DCAF13: variants seen among roughly 807,000 people sequenced by gnomAD.
The protein encoded by DCAF13 is DDB1- and CUL4-associated factor 13.
In DCAF13, 38 loss-of-function variants were observed where a neutral mutation model predicts 59.0. The observed-to-expected ratio is 0.64, with a 90% CI of 0.50 to 0.84. DCAF13 has a LOEUF of 0.84. Ranked by LOEUF, DCAF13 falls within the 40% of genes least tolerant of loss-of-function variation. The pLI is 0.00. For synonymous variants in DCAF13, 173 were observed against 175.0 expected, an observed-to-expected ratio of 0.99 and a Z score of 0.09; for missense variants, 469 against 558.4, an observed-to-expected ratio of 0.84 and a Z score of 1.61.
At chr8:103,418,569 A>G (rs1405400901) in intron 1 of DCAF13, among the ~76,000 whole-genome samples, 1 of 151,742 alleles carries the variant, frequency 6.6e-6, no homozygotes, top group Non-Finnish European at 1.5e-5. Flanking sequence ...AAAACTAGAA[A>G]TAGAGAGTTG....
intron 1 of DCAF13, among the ~76,000 whole-genome samples, chr8:103,417,197 A>G (rs1049126244): frequency 1.3e-5 from 2 of 152,210 alleles, no homozygotes; most frequent in African/African-American, 4.8e-5. Context: ...TGATTCCAGT[A>G]TGCAACCCGT....
At chr8:103,420,894 C>G (rs528802236) in intron 2 of DCAF13, 81 bp from the exon 3 acceptor site, 1 of 1,019,892 alleles carries the variant, frequency 9.8e-7, no homozygotes. Context: ...TAGAGTGATT[C>G]GTAGCCTTGT....
chr8:103,442,868 G>A lies in DCAF13; in HGVS notation c.1324G>A (p.Ala442Thr), dbSNP rs760640368. 1.1e-5 allele frequency: 17 copies of A among 1,604,784 alleles called. No homozygotes were observed. Among genetic ancestry groups the A allele is most frequent in the Non-Finnish European group, 1.4e-5 (16 of 1,176,184 alleles). Residue 442 changes from alanine to threonine, a missense_variant, in exon 11 of 11, where the codon GCA (alanine) becomes ACA (threonine). Around this residue, in one of 3 missense-constraint regions of DCAF13, gnomAD observed 84 missense variants for 92.3 expected, o/e 0.91. Coordinates refer to ENST00000612750, the MANE Select transcript of DCAF13 (RefSeq NM_015420.7). Reference protein sequence around the residue: ...LVSEKKKHVVAVVK With the variant: ...LVSEKKKHVVTVVK ...GTCAGAGAAGAAGAAACACGTAGTG[G>A]CAGTTGTAAAATAATTGGTATTCCT... is the stretch of plus-strand genomic sequence containing the variant.
chr8:103,442,560 CTG>C, intron 10 of DCAF13: 1 of 302,856 alleles, frequency 3.3e-6, no homozygotes, highest in Admixed American at 4.9e-5. Flanking sequence ...ATTTTATTAA[CTG>C]TGGAAGGTTT....
At chr8:103,423,972 A>G (rs1415626200) in intron 3 of DCAF13, among the ~76,000 whole-genome samples, 1 of 151,904 alleles carries the variant, frequency 6.6e-6, no homozygotes, top group East Asian at 1.9e-4. Context: ...TGTTGGGATT[A>G]CAGGCATGAG....
chr8:103,429,117 A>G (rs1432702969), intron 5 of DCAF13: 2 of 152,164 alleles, frequency 1.3e-5, no homozygotes, highest in African/African-American at 4.8e-5. Context: ...GTTTATGCTG[A>G]TCATTGGGAC....
intron 3 of DCAF13, among the ~76,000 whole-genome samples, chr8:103,422,274 C>G (rs144155480): frequency 6.6e-6 from 1 of 152,250 alleles, no homozygotes; most frequent in African/African-American, 2.4e-5. Flanking sequence ...GTGAAGATGT[C>G]TGTCATACCT....
intron 8 of DCAF13, among the ~76,000 whole-genome samples, chr8:103,437,970 A>G (rs1002916959): frequency 2.0e-5 from 3 of 152,162 alleles, no homozygotes; most frequent in Admixed American, 2.0e-4. Flanking sequence ...TTATCTCCTA[A>G]TAGTAGAACT....
At chr8:103,417,900 A>G (rs1354982718) in intron 1 of DCAF13, among the ~76,000 whole-genome samples, 2 of 151,994 alleles carry the variant, frequency 1.3e-5, no homozygotes, top group Admixed American at 1.3e-4. Flanking sequence ...CGGGAAGATC[A>G]CGAGGTCAGG....
intron 3 of DCAF13, 194 bp downstream of exon 3, chr8:103,421,276 TTAAAC>T (rs1262394148): frequency 1.5e-6 from 1 of 673,436 alleles, no homozygotes; most frequent in East Asian, 2.8e-5. Flanking sequence ...CTTAACATGA[TTAAAC>T]TAATATTCAA....
chr8:103,435,297 TAA>T (rs34003376), intron 7 of DCAF13, among the ~76,000 whole-genome samples: 1,651 of 152,254 alleles, frequency 0.011, 32 homozygotes, highest in African/African-American at 0.038. Context: ...AAAGGTTTTT[TAA>T]AAAATTATGC....
rs776723629 is a variant in DCAF13, at chr8:103,430,707, CT to C, written c.702+22del. ...TGAAAAAGGTGAGTTTCAGTTTTGACTTTTGCTTTATACAGTTGGCATTATA... is the reference window on the plus strand; with the variant it reads ...TGAAAAAGGTGAGTTTCAGTTTTGACTTTGCTTTATACAGTTGGCATTATA... On this transcript the variant is annotated intron_variant, in intron 6 of 10. Transcript: ENST00000612750. 2 of 1,589,296 alleles carry C rather than the reference CT, an allele frequency of 1.3e-6. No individual in the cohort carries two copies. The highest frequency in any genetic ancestry group is 1.7e-4 in the Middle Eastern group (1 of 6,008).
Position 103,438,794 on chromosome 8 carries a change from C to G in DCAF13, c.951-1342C>G, listed in dbSNP as rs369969475. 2.2e-3 allele frequency among the ~76,000 whole-genome samples: 342 copies of G among 152,252 alleles called. 5 individuals carry two copies. Among genetic ancestry groups the G allele is most frequent in the African/African-American group, 7.6e-3 (317 of 41,552 alleles). ...AGTTTATTGAGCCTGTTTCCTTCCT[C>G]TTTATATACTCTGCATTTTGAATAA... On this transcript the variant is annotated intron_variant, in intron 8 of 10. Coordinates refer to ENST00000612750, the MANE Select transcript of DCAF13 (RefSeq NM_015420.7).
At chr8:103,425,133 A>G (rs1174299061) in intron 3 of DCAF13, among the ~76,000 whole-genome samples, 1 of 152,202 alleles carries the variant, frequency 6.6e-6, no homozygotes, top group Non-Finnish European at 1.5e-5. Context: ...TTAGATAAAG[A>G]TATCTTTGTT....
At chr8:103,441,703 G>A in intron 10 of DCAF13, 85 bp downstream of exon 10, 3 of 1,296,358 alleles carry the variant, frequency 2.3e-6, no homozygotes, top group Non-Finnish European at 3.3e-6. Flanking sequence ...GCCATTCAAG[G>A]GAGTAGTTTA....
chr8:103,432,701 A>T lies in DCAF13; in HGVS notation c.745A>T (p.Met249Leu). Residue 249 changes from methionine (M) to leucine (L), a missense_variant, in exon 7 of 11, where the codon ATG becomes TTG. Met to Leu is a conservative substitution (Grantham distance 15). Transcript: ENST00000612750. ...MRTNTICWNP[M>L]EAFIFTAANE... ...AACAAATACAATCTGTTGGAACCCTATGGAAGCTTTCATTTTTACAGCAGC... is the reference window on the plus strand; with the variant it reads ...AACAAATACAATCTGTTGGAACCCTTTGGAAGCTTTCATTTTTACAGCAGC... 6.2e-7 allele frequency: 1 copy of T among 1,606,440 alleles called. No individual in the cohort carries two copies. The highest frequency in any genetic ancestry group is 8.5e-7 in the Non-Finnish European group (1 of 1,174,196).
intron 5 of DCAF13, chr8:103,428,391 A>G (rs1816821108): frequency 6.6e-6 from 1 of 152,238 alleles, no homozygotes; most frequent in African/African-American, 2.4e-5. Flanking sequence ...TATTGTCTGT[A>G]GCTGCTTTCG....
chr8:103,415,427 C>G lies in DCAF13; in HGVS notation c.-20C>G. ...CTCCTAGCGGACACCTCGTGGAGTC[C>G]GGCCGGAAGAGCAACCGAGATGAAG... On this transcript the variant is annotated 5_prime_UTR_variant, in exon 1 of 11. Coordinates refer to ENST00000612750, the MANE Select transcript of DCAF13 (RefSeq NM_015420.7). The G allele has an allele frequency of 6.2e-7, 1 of 1,614,044 alleles. No individual in the cohort carries two copies. Among genetic ancestry groups the G allele is most frequent in the South Asian group, 1.1e-5 (1 of 91,078 alleles).
rs2130490440 is a variant in DCAF13 at position 103,432,737 on chromosome 8, T to G, written c.781T>G (p.Tyr261Asp). The G allele has an allele frequency of 6.3e-7, 1 of 1,586,024 alleles. No individual in the cohort carries two copies. The highest frequency in any genetic ancestry group is 8.6e-7 in the Non-Finnish European group (1 of 1,156,614). Reference protein sequence around the residue: ...AFIFTAANEDYNLYTFDMRAL... With the variant: ...AFIFTAANEDDNLYTFDMRAL... ...CATTTTTACAGCAGCAAATGAAGAT[T>G]ATAAGTAAGTTTCCCTCTTTTAAAA... is the stretch of plus-strand genomic sequence containing the variant. The change falls in exon 7 of 11, where the codon TAT (tyrosine) becomes GAT (aspartate). Residue 261 changes from tyrosine to aspartate, a missense_variant. By Grantham distance (160) the Tyr-to-Asp change is radical. Coordinates refer to ENST00000612750, the MANE Select transcript of DCAF13 (RefSeq NM_015420.7).
Sources: gnomAD v4.1 joint callset for allele counts (sites outside exome capture counted in the v4.1 genomes callset) on GRCh38, gnomAD v4.1.1 for gene constraint, gnomAD v4.1.1 regional missense constraint, MANE v1.5 for transcripts, NCBI Gene and HGNC (gene_info 2026-07-23, HGNC 2026-07-21) for gene names.